Variants in DPP8 observed in about 807,000 individuals in gnomAD.
DPP8 encodes the protein DPP VIII.
Under a neutral mutation model 107.5 loss-of-function variants are expected in DPP8, and 31 were observed. That is an observed-to-expected ratio of 0.29 (90% CI 0.22 to 0.39). The LOEUF (loss-of-function observed/expected upper bound fraction) is 0.39, where lower values mean the gene tolerates loss of function less well. DPP8 is among the 10% of genes least tolerant of loss of function. DPP8 has a pLI of 1.00. For missense variants in DPP8, 842 were observed against 1,076.1 expected (o/e 0.78, Z 3.04); for synonymous variants, 381 against 356.6 (o/e 1.07, Z -0.77).
chr15:65,493,013 A>G (rs1313815244), intron 5 of DPP8, among the ~76,000 whole-genome samples: 1 of 152,162 alleles, frequency 6.6e-6, no homozygotes, highest in African/African-American at 2.4e-5. Flanking sequence ...TTTGAATCCA[A>G]AAAGAAATAT....
chr15:65,511,132 T>C (rs1466262316), intron 2 of DPP8, among the ~76,000 whole-genome samples: 2 of 152,208 alleles, frequency 1.3e-5, no homozygotes, highest in Non-Finnish European at 2.9e-5. Context: ...GATATATTCA[T>C]ACATGTGCAA....
At chr15:65,483,929 G>A (rs2067167537) in intron 8 of DPP8, among the ~76,000 whole-genome samples, 2 of 152,132 alleles carry the variant, frequency 1.3e-5, no homozygotes, top group African/African-American at 4.8e-5. Flanking sequence ...CAACATGGAT[G>A]GACCTTGAAA....
intron 6 of DPP8, among the ~76,000 whole-genome samples, chr15:65,488,089 A>G (rs1165008200): frequency 6.6e-6 from 1 of 152,214 alleles, no homozygotes; most frequent in Non-Finnish European, 1.5e-5. Context: ...TTGTTCTTGC[A>G]TACCATAAAA....
At chr15:65,509,604 A>G (rs2070495568) in intron 2 of DPP8, among the ~76,000 whole-genome samples, 1 of 152,256 alleles carries the variant, frequency 6.6e-6, no homozygotes, top group Non-Finnish European at 1.5e-5. Context: ...AAGAGGCAAA[A>G]TTAAGCATGT....
At chr15:65,475,756 T>C in intron 11 of DPP8, 2 of 460,182 alleles carry the variant, frequency 4.3e-6, no homozygotes, top group Non-Finnish European at 8.0e-6. Context: ...CCATTTGTTT[T>C]GTTTTTGTTT....
intron 12 of DPP8, among the ~76,000 whole-genome samples, chr15:65,469,653 CA>C (rs61311948): frequency 0.013 from 879 of 66,492 alleles, 3 homozygotes; most frequent in African/African-American, 0.035. Flanking sequence ...AACTCCGTCT[CA>C]AAAAAAAAAA....
At chr15:65,454,516 TGTTTTA>T in intron 16 of DPP8, 101 bp from the exon 17 acceptor site, 2 of 1,061,684 alleles carry the variant, frequency 1.9e-6, no homozygotes, top group Non-Finnish European at 2.7e-6. Flanking sequence ...TACCTGTAGG[TGTTTTA>T]ATTTTTATTT....
intron 12 of DPP8, among the ~76,000 whole-genome samples, chr15:65,473,651 G>A (rs1473984568): frequency 1.3e-5 from 2 of 152,100 alleles, no homozygotes; most frequent in Non-Finnish European, 1.5e-5. Flanking sequence ...CAGGGTGACA[G>A]AGCAAGACAT....
chr15:65,487,333 A>C (rs557524714), intron 7 of DPP8, among the ~76,000 whole-genome samples: 2 of 152,080 alleles, frequency 1.3e-5, no homozygotes, highest in Non-Finnish European at 2.9e-5. Flanking sequence ...ATTTTTAGTA[A>C]AGATGGGGTT....
At chr15:65,455,843 T>C (rs2064366322) in intron 16 of DPP8, 3 of 1,293,588 alleles carry the variant, frequency 2.3e-6, no homozygotes, top group Non-Finnish European at 3.0e-6. Flanking sequence ...TAAAGCTTCC[T>C]GTAGAGAGAA....
At chr15:65,512,667 G>A in intron 1 of DPP8, 103 bp from the exon 2 acceptor site, 2 of 1,276,172 alleles carry the variant, frequency 1.6e-6, no homozygotes, top group Non-Finnish European at 2.2e-6. Context: ...GGGAGGGCAA[G>A]AAAAAAATGC....
intron 2 of DPP8, chr15:65,511,940 T>C: frequency 2.7e-6 from 1 of 367,314 alleles, no homozygotes. Context: ...AGCCTTGGAT[T>C]AAAAAAACAA....
intron 5 of DPP8, among the ~76,000 whole-genome samples, chr15:65,493,062 T>C (rs1209300517): frequency 6.6e-6 from 1 of 152,116 alleles, no homozygotes; most frequent in Non-Finnish European, 1.5e-5. Flanking sequence ...TTCTTTCTTT[T>C]CTTTCCTTTT....
At chr15:65,485,427 C>G (rs1190154094) in intron 7 of DPP8, among the ~76,000 whole-genome samples, 2 of 151,224 alleles carry the variant, frequency 1.3e-5, no homozygotes, top group Non-Finnish European at 2.9e-5. Flanking sequence ...GCCTGTAATC[C>G]CAGCTACTTG....
chr15:65,512,010 A>T lies in DPP8; in HGVS notation c.259+285T>A, dbSNP rs1311293756. 1.1e-5 allele frequency: 6 copies of T among 551,132 alleles called. No individual in the cohort carries two copies. The East Asian group carries it at 2.6e-4, about 24-fold the overall frequency. 34.1% of individuals were successfully genotyped at this position (551,132 alleles called of 1,614,324 possible). ...TTTTATTGTTTGTTTTCCTAATCAG[A>T]CCATCTAAAGAAAGGCATTTCAAGC... On this transcript the variant is annotated intron_variant, in intron 2 of 19. Coordinates refer to ENST00000300141, the MANE Select transcript of DPP8 (RefSeq NM_130434.5).
At chr15:65,476,244 A>G (rs1013283386) in intron 11 of DPP8, among the ~76,000 whole-genome samples, 1 of 152,238 alleles carries the variant, frequency 6.6e-6, no homozygotes, top group Non-Finnish European at 1.5e-5. Context: ...GTTTAAAAAA[A>G]TATTTTAAAC....
intron 12 of DPP8, among the ~76,000 whole-genome samples, chr15:65,472,099 A>C (rs918897435): frequency 3.9e-5 from 6 of 152,162 alleles, no homozygotes; most frequent in Admixed American, 2.6e-4. Context: ...TCTTTAAAGA[A>C]TTCACTGAAT....
chr15:65,458,012 A>C (rs2064582745), intron 15 of DPP8, among the ~76,000 whole-genome samples: 1 of 152,210 alleles, frequency 6.6e-6, no homozygotes, highest in South Asian at 2.1e-4. Flanking sequence ...TAGGCAGAGA[A>C]GTACACGAAT....
chr15:65,504,217 T>A (rs1191510109), intron 3 of DPP8, among the ~76,000 whole-genome samples: 1 of 151,852 alleles, frequency 6.6e-6, no homozygotes. Context: ...TACAAAATCA[T>A]CCGGGTGTGG....
Sources: gnomAD v4.1 joint callset for allele counts (sites outside exome capture counted in the v4.1 genomes callset) on GRCh38, gnomAD v4.1.1 for gene constraint, MANE v1.5 for transcripts, NCBI Gene and HGNC (gene_info 2026-07-23, HGNC 2026-07-21) for gene names.